IL6R: variants seen among roughly 807,000 people sequenced by gnomAD.
IL6R encodes interleukin-6 receptor subunit alpha.
In IL6R, 38 loss-of-function variants were observed where a neutral mutation model predicts 48.3. The observed-to-expected ratio is 0.79, with a 90% CI of 0.61 to 1.03. The LOEUF (loss-of-function observed/expected upper bound fraction) is 1.03, where lower values mean the gene tolerates loss of function less well. Ranked by LOEUF, IL6R falls within the 50% of genes least tolerant of loss-of-function variation. IL6R has a pLI of 0.00. For synonymous variants in IL6R, 264 were observed against 256.2 expected (o/e 1.03, Z -0.29); for missense variants, 534 against 618.3 (o/e 0.86, Z 1.45).
At chr1:154,453,339 C>T (rs1465538182) in intron 8 of IL6R, among the ~76,000 whole-genome samples, 1 of 152,232 alleles carries the variant, frequency 6.6e-6, no homozygotes, top group African/African-American at 2.4e-5. Context: ...TCTTTGCAGC[C>T]AGCGCCCGCT....
chr1:154,437,086 T>C (rs1689665307), intron 6 of IL6R, among the ~76,000 whole-genome samples: 1 of 152,066 alleles, frequency 6.6e-6, no homozygotes, highest in African/African-American at 2.4e-5. Context: ...AAATTTGTTG[T>C]TGTTGTTGTT....
intron 7 of IL6R, 49 bp from the exon 8 acceptor site, chr1:154,449,862 A>G: frequency 1.6e-6 from 2 of 1,215,588 alleles, no homozygotes; most frequent in East Asian, 2.3e-5. Flanking sequence ...GTTCTGAATG[A>G]TGGTGCAATC....
chr1:154,461,973 C>T (rs933841017), intron 9 of IL6R, among the ~76,000 whole-genome samples: 1 of 152,100 alleles, frequency 6.6e-6, no homozygotes, highest in Non-Finnish European at 1.5e-5. Flanking sequence ...TTAAGTGATC[C>T]TTAAACAAAA....
chr1:154,424,045 AAG>A (rs1441404367), intron 1 of IL6R, among the ~76,000 whole-genome samples: 1 of 152,200 alleles, frequency 6.6e-6, no homozygotes, highest in Non-Finnish European at 1.5e-5. Flanking sequence ...AGAAGCAGAA[AAG>A]AGAGCTTCCT....
intron 1 of IL6R, among the ~76,000 whole-genome samples, chr1:154,421,050 C>T (rs983450898): frequency 6.6e-6 from 1 of 152,296 alleles, no homozygotes; most frequent in African/African-American, 2.4e-5. Flanking sequence ...GTCCTCTCTG[C>T]AGAATCCCAT....
chr1:154,465,307 A>G lies in IL6R; in HGVS notation c.1334A>G (p.His445Arg). 6.2e-7 allele frequency: 1 copy of G among 1,614,192 alleles called. No homozygotes were observed. The highest frequency in any genetic ancestry group is 1.1e-5 in the South Asian group (1 of 91,084). The part of the protein sequence containing the change: ...SSLGSDNTSS[H>R]NRPDARDPRS... ...CTGGGGTCTGACAATACCTCGAGCCACAACCGACCAGATGCCAGGGACCCA... is the reference window on the plus strand; with the variant it reads ...CTGGGGTCTGACAATACCTCGAGCCGCAACCGACCAGATGCCAGGGACCCA... Residue 445 changes from histidine (H) to arginine (R), a missense_variant, in exon 10 of 10, where the codon CAC becomes CGC. Coordinates refer to ENST00000368485, the MANE Select transcript of IL6R (RefSeq NM_000565.4).
In IL6R at chr1:154,458,287, A is replaced by G. The variant is rs544760298; in HGVS notation, c.1160+3706A>G. On this transcript the variant is annotated intron_variant, in intron 9 of 9. Transcript: ENST00000368485. ...GCCCGGCCTTCACTTTGCTTTTTCA[A>G]TGAAGTAGATTACAAGCCGTCTGAA... 1.8e-4 allele frequency among the ~76,000 whole-genome samples: 28 copies of G among 152,120 alleles called. No homozygotes were observed. The East Asian group carries it at 5.2e-3, about 28-fold the overall frequency.
At chr1:154,428,015 C>A (rs1365601766) in intron 1 of IL6R, among the ~76,000 whole-genome samples, 2 of 152,246 alleles carry the variant, frequency 1.3e-5, no homozygotes, top group African/African-American at 4.8e-5. Flanking sequence ...AATGGTTATG[C>A]ATTTGGTTCA....
intron 1 of IL6R, among the ~76,000 whole-genome samples, chr1:154,410,761 G>A (rs1349673977): frequency 6.6e-6 from 1 of 152,114 alleles, no homozygotes; most frequent in Admixed American, 6.6e-5. Flanking sequence ...TGTCCCTGAG[G>A]CCCTGCATCC....
intron 1 of IL6R, among the ~76,000 whole-genome samples, chr1:154,419,447 A>G (rs1266797027): frequency 6.6e-6 from 1 of 152,158 alleles, no homozygotes; most frequent in Non-Finnish European, 1.5e-5. Context: ...GAGGCTTCTC[A>G]GCACCCACCT....
chr1:154,440,653 G>A (rs76457312), intron 6 of IL6R, among the ~76,000 whole-genome samples: 8,283 of 111,722 alleles, frequency 0.074, 820 homozygotes, highest in African/African-American at 0.24. Flanking sequence ...AATGATTAAT[G>A]TCTTTTTTTT....
intron 9 of IL6R, among the ~76,000 whole-genome samples, chr1:154,460,785 G>C (rs1691209421): frequency 6.6e-6 from 1 of 152,136 alleles, no homozygotes; most frequent in African/African-American, 2.4e-5. Context: ...GGAGGAGATG[G>C]GAGGAAACCT....
chr1:154,430,644 C>A lies in IL6R; in HGVS notation c.458+38C>A, dbSNP rs368504867. 10 of 1,613,352 alleles carry A rather than the reference C, an allele frequency of 6.2e-6. No individual in the cohort carries two copies. In the African/African-American group the frequency reaches 1.3e-4, roughly 22 times the overall value. On this transcript the variant is annotated intron_variant, in intron 3 of 9. Coordinates refer to ENST00000368485, the MANE Select transcript of IL6R (RefSeq NM_000565.4). Reference sequence around the variant, plus strand: ...GGCTGAGCTATGTGCATGTTGGCTCCCTCCTTCCCGAGGCCCCCCAGAGAG... The same window carrying A: ...GGCTGAGCTATGTGCATGTTGGCTCACTCCTTCCCGAGGCCCCCCAGAGAG...
chr1:154,431,154 G>A (rs1009261541), intron 3 of IL6R, among the ~76,000 whole-genome samples: 1 of 152,144 alleles, frequency 6.6e-6, no homozygotes, highest in African/African-American at 2.4e-5. Flanking sequence ...TTGGGGCCGT[G>A]GGGGGAGAAG....
At chr1:154,407,784 GTGTACTCGT>G (rs1354639842) in intron 1 of IL6R, among the ~76,000 whole-genome samples, 3 of 152,144 alleles carry the variant, frequency 2.0e-5, no homozygotes, top group African/African-American at 7.2e-5. Flanking sequence ...GACTTCTCAG[GTGTACTCGT>G]TGTCTAAGGG....
intron 6 of IL6R, among the ~76,000 whole-genome samples, chr1:154,442,169 G>T (rs1157634347): frequency 6.6e-6 from 1 of 152,118 alleles, no homozygotes; most frequent in Non-Finnish European, 1.5e-5. Context: ...GTATGTGCTT[G>T]AGGGGGCTGG....
At chr1:154,412,113 A>G (rs559598593) in intron 1 of IL6R, among the ~76,000 whole-genome samples, 2 of 148,594 alleles carry the variant, frequency 1.3e-5, no homozygotes, top group African/African-American at 5.0e-5. Flanking sequence ...ACGCCTGGCT[A>G]ATTTTTTGTA....
intron 3 of IL6R, among the ~76,000 whole-genome samples, chr1:154,431,569 G>A (rs190969047): frequency 2.8e-4 from 43 of 152,348 alleles, no homozygotes; most frequent in Admixed American, 1.4e-3. Flanking sequence ...ACAGTTATGT[G>A]AATGTGGTCT....
chr1:154,415,457 C>T (rs183793389), intron 1 of IL6R, among the ~76,000 whole-genome samples: 13 of 152,282 alleles, frequency 8.5e-5, no homozygotes, highest in Non-Finnish European at 1.3e-4. Flanking sequence ...TGGGTTTATA[C>T]GCCTCTTGGC....
Sources: gnomAD v4.1 joint callset for allele counts (sites outside exome capture counted in the v4.1 genomes callset) on GRCh38, gnomAD v4.1.1 for gene constraint, MANE v1.5 for transcripts, NCBI Gene and HGNC (gene_info 2026-07-23, HGNC 2026-07-21) for gene names.